SEPTIN10: variants seen among roughly 807,000 people sequenced by gnomAD.
SEPTIN10 encodes septin-10.
SEPTIN10 carries 66 observed loss-of-function variants against 54.8 expected under a neutral mutation model. The ratio of observed to expected loss-of-function variants is 1.21; its 90% CI spans 0.99 to 1.48. The LOEUF (loss-of-function observed/expected upper bound fraction) is 1.48, where lower values mean the gene tolerates loss of function less well. SEPTIN10 is among the 40% of genes most tolerant of loss of function. SEPTIN10 has a pLI of 0.00. For synonymous variants in SEPTIN10, 161 were observed against 181.0 expected, an observed-to-expected ratio of 0.89 and a Z score of 0.89; for missense variants, 620 against 545.6, an observed-to-expected ratio of 1.14 and a Z score of -1.36.
chr2:109,545,266 C>T (rs1425881835), intron 10 of SEPTIN10: 3 of 1,390,282 alleles, frequency 2.2e-6, no homozygotes, highest in East Asian at 5.7e-5. Flanking sequence ...AATAGTTAAA[C>T]CGACAGGGAT....
intron 9 of SEPTIN10, among the ~76,000 whole-genome samples, chr2:109,549,184 C>T (rs746323139): frequency 1.3e-5 from 2 of 152,140 alleles, no homozygotes; most frequent in African/African-American, 2.4e-5. Context: ...TCTCTGCACA[C>T]GTGTGCATCG....
chr2:109,574,391 A>G (rs917734216), intron 5 of SEPTIN10, among the ~76,000 whole-genome samples, 190 bp downstream of exon 5: 2 of 149,318 alleles, frequency 1.3e-5, no homozygotes, highest in Admixed American at 1.4e-4. Context: ...GGCTGCAGTA[A>G]GCCACGATCT....
At chr2:109,547,744 C>T (rs1681676362) in intron 9 of SEPTIN10, among the ~76,000 whole-genome samples, 1 of 152,158 alleles carries the variant, frequency 6.6e-6, no homozygotes, top group African/African-American at 2.4e-5. Flanking sequence ...TTTAAAACAA[C>T]TGGGATATAC....
chr2:109,604,300 G>A (rs923556366), intron 1 of SEPTIN10, among the ~76,000 whole-genome samples: 2 of 139,774 alleles, frequency 1.4e-5, no homozygotes, highest in African/African-American at 2.6e-5. Flanking sequence ...TTGAGACTGC[G>A]CCACTGCACT....
intron 8 of SEPTIN10, among the ~76,000 whole-genome samples, chr2:109,562,030 G>T (rs1472000077): frequency 6.6e-6 from 1 of 151,762 alleles, no homozygotes; most frequent in Non-Finnish European, 1.5e-5. Context: ...GGCCAACATG[G>T]TGAAACCCTG....
intron 10 of SEPTIN10, chr2:109,545,761 AT>A: frequency 2.8e-6 from 4 of 1,426,186 alleles, no homozygotes; most frequent in Non-Finnish European, 3.6e-6. Context: ...AAGAGCAGCC[AT>A]TTTCCCCCAG....
intron 9 of SEPTIN10, 191 bp downstream of exon 9, chr2:109,552,896 A>G (rs982287268): frequency 4.0e-5 from 25 of 623,426 alleles, no homozygotes; most frequent in Non-Finnish European, 5.8e-5. Flanking sequence ...AAAAAAAAAG[A>G]AGGCCAAAGT....
chr2:109,545,904 A>G, intron 10 of SEPTIN10, 146 bp downstream of exon 10: 1 of 1,435,060 alleles, frequency 7.0e-7, no homozygotes, highest in Non-Finnish European at 9.3e-7. Flanking sequence ...AAGAGGGACA[A>G]GGTCTCTCCT....
intron 1 of SEPTIN10, chr2:109,605,256 G>A (rs1697669904): frequency 6.6e-6 from 1 of 152,074 alleles, no homozygotes; most frequent in Non-Finnish European, 1.5e-5. Context: ...GATCACCTGA[G>A]GTCAGGAGTT....
chr2:109,583,711 A>T (rs980341129), intron 4 of SEPTIN10, among the ~76,000 whole-genome samples: 11 of 152,200 alleles, frequency 7.2e-5, no homozygotes, highest in Non-Finnish European at 1.5e-5. Flanking sequence ...AGCTCTATTC[A>T]CAATAGCAAA....
chr2:109,607,181 C>G (rs899790523), intron 1 of SEPTIN10, among the ~76,000 whole-genome samples: 1 of 152,138 alleles, frequency 6.6e-6, no homozygotes, highest in Non-Finnish European at 1.5e-5. Flanking sequence ...CATAATCACA[C>G]AAATAATTTG....
At chr2:109,560,724 A>C (rs1238288164) in intron 8 of SEPTIN10, among the ~76,000 whole-genome samples, 2 of 152,092 alleles carry the variant, frequency 1.3e-5, no homozygotes, top group African/African-American at 4.8e-5. Flanking sequence ...ACACACACAA[A>C]AAAGCTAGTC....
chr2:109,556,440 G>A (rs891901067), intron 8 of SEPTIN10, among the ~76,000 whole-genome samples: 4 of 152,092 alleles, frequency 2.6e-5, no homozygotes, highest in Non-Finnish European at 4.4e-5. Context: ...TCAAAGAAAC[G>A]CAGAGTAAGA....
chr2:109,550,953 A>C (rs2104722265), intron 9 of SEPTIN10, among the ~76,000 whole-genome samples: 1 of 152,372 alleles, frequency 6.6e-6, no homozygotes, highest in African/African-American at 2.4e-5. Flanking sequence ...ATAGACAGAC[A>C]TATCAAATTG....
At chr2:109,545,534 C>G in intron 10 of SEPTIN10, 4 of 1,535,820 alleles carry the variant, frequency 2.6e-6, no homozygotes, top group Non-Finnish European at 3.5e-6. Flanking sequence ...GAATCGACAG[C>G]CTGGTTCCCT....
intron 2 of SEPTIN10, among the ~76,000 whole-genome samples, chr2:109,588,106 C>T (rs1693008860): frequency 1.3e-5 from 2 of 150,862 alleles, no homozygotes; most frequent in African/African-American, 2.4e-5. Flanking sequence ...AAATGCCCCC[C>T]GCCAAAAAAA....
intron 5 of SEPTIN10, among the ~76,000 whole-genome samples, chr2:109,571,527 C>G (rs2060402): frequency 0.45 from 69,056 of 151,964 alleles, 16,131 homozygotes; most frequent in African/African-American, 0.55. Flanking sequence ...TAATACAATG[C>G]TAAGTATGTG....
chr2:109,574,773 A>C lies in SEPTIN10; in HGVS notation c.414-6T>G, dbSNP rs771848344. On this transcript the variant is annotated splice_region_variant and splice_polypyrimidine_tract_variant and intron_variant, in intron 4 of 10. Transcript: ENST00000397712. ...AGTCAACTATTGGTTGGTAGCTGAA[A>C]AATTATTTAAATGTTTAATACAACA... 21 of 1,559,552 alleles carry C rather than the reference A, an allele frequency of 1.3e-5. No individual in the cohort carries two copies. In the Middle Eastern group the frequency reaches 5.2e-4, roughly 38 times the overall value.
Position 109,601,360 on chromosome 2 carries a change from A to G in SEPTIN10, c.31-8241T>C, listed in dbSNP as rs553973755. 1.6e-4 allele frequency among the ~76,000 whole-genome samples: 25 copies of G among 152,350 alleles called. 1 individual carries two copies. The highest frequency in any genetic ancestry group is 1.4e-3 in the Admixed American group (22 of 15,296). ...GTCAGGGGTCAAAGACCAAATACAT[A>G]TTTCACAATAAACACAAGTGTATAA... On this transcript the variant is annotated intron_variant, in intron 1 of 10. Transcript: ENST00000397712.
Sources: gnomAD v4.1 joint callset for allele counts (sites outside exome capture counted in the v4.1 genomes callset) on GRCh38, gnomAD v4.1.1 for gene constraint, MANE v1.5 for transcripts, NCBI Gene and HGNC (gene_info 2026-07-23, HGNC 2026-07-21) for gene names.